The following KCNIP4 variants were observed in gnomAD, a reference collection of about 807,000 sequenced individuals.
The protein encoded by KCNIP4 is Kv channel-interacting protein 4.
In KCNIP4, 12 loss-of-function variants were observed where a neutral mutation model predicts 34.0. The observed-to-expected ratio is 0.35, with a 90% CI of 0.23 to 0.57. KCNIP4 has a LOEUF of 0.57. KCNIP4 is among the 20% of genes least tolerant of loss of function. KCNIP4 has a pLI of 0.83. For synonymous variants in KCNIP4, 124 were observed against 102.2 expected (o/e 1.21, Z -1.29); for missense variants, 238 against 311.7 (o/e 0.76, Z 1.78).
Position 21,431,673 on chromosome 4 carries a change from G to T in KCNIP4, c.61+516898C>A, listed in dbSNP as rs201091518. On this transcript the variant is annotated intron_variant, in intron 1 of 8. Transcript: ENST00000382152. ...TAGCACTAAAATGATGCAGAATGGG[G>T]ATACCTAAGAAAATATAGGAGGATA... is the stretch of plus-strand genomic sequence containing the variant. 4.6e-5 allele frequency among the ~76,000 whole-genome samples: 7 copies of T among 152,042 alleles called. No homozygotes were observed. The East Asian group carries it at 1.4e-3, about 29-fold the overall frequency.
intron 1 of KCNIP4, among the ~76,000 whole-genome samples, chr4:21,783,560 G>T (rs2109217508): frequency 6.6e-6 from 1 of 152,080 alleles, no homozygotes; most frequent in African/African-American, 2.4e-5. Context: ...TTAGTAATAA[G>T]TACATTTAAT....
At chr4:21,832,730 TCCCTCCC>T (rs1441526735) in intron 1 of KCNIP4, among the ~76,000 whole-genome samples, 3 of 107,838 alleles carry the variant, frequency 2.8e-5, no homozygotes, top group African/African-American at 1.1e-4. Flanking sequence ...CCCAATGCTA[TCCCTCCC>T]CCCTCCCCCC....
chr4:21,413,620 A>G (rs1021071918), intron 1 of KCNIP4, among the ~76,000 whole-genome samples: 3 of 152,138 alleles, frequency 2.0e-5, no homozygotes, highest in African/African-American at 7.2e-5. Flanking sequence ...TTTTTCCAGC[A>G]CACTATGAGT....
At chr4:21,440,514 C>T (rs1472496530) in intron 1 of KCNIP4, among the ~76,000 whole-genome samples, 5 of 152,134 alleles carry the variant, frequency 3.3e-5, no homozygotes, top group Admixed American at 6.5e-5. Flanking sequence ...GCAGTGATTG[C>T]TTTGTTATTT....
intron 1 of KCNIP4, among the ~76,000 whole-genome samples, chr4:21,823,603 A>C (rs965038500): frequency 3.3e-5 from 5 of 151,988 alleles, no homozygotes; most frequent in Non-Finnish European, 7.4e-5. Context: ...TCCCCACCCC[A>C]AATACACTAA....
chr4:20,985,971 G>A (rs974520584), intron 1 of KCNIP4, among the ~76,000 whole-genome samples: 1 of 152,102 alleles, frequency 6.6e-6, no homozygotes, highest in Non-Finnish European at 1.5e-5. Flanking sequence ...CTGAATCTTG[G>A]TTTAAAATGG....
intron 3 of KCNIP4, among the ~76,000 whole-genome samples, chr4:20,841,549 A>G (rs1485921344): frequency 6.6e-6 from 1 of 152,036 alleles, no homozygotes; most frequent in African/African-American, 2.4e-5. Context: ...TTAATCCAAA[A>G]CATCACGACG....
intron 1 of KCNIP4, among the ~76,000 whole-genome samples, chr4:21,415,444 C>T (rs1191894889): frequency 6.6e-6 from 1 of 151,506 alleles, no homozygotes; most frequent in Non-Finnish European, 1.5e-5. Flanking sequence ...AGGTAAGGGA[C>T]ACATTAGGAG....
intron 1 of KCNIP4, chr4:21,853,278 G>A (rs1321672842): frequency 6.6e-6 from 1 of 152,086 alleles, no homozygotes; most frequent in Non-Finnish European, 1.5e-5. Context: ...TTAAAATATA[G>A]GGCTCTAATA....
At chr4:21,888,927 C>T (rs973404167) in intron 1 of KCNIP4, among the ~76,000 whole-genome samples, 2 of 152,108 alleles carry the variant, frequency 1.3e-5, no homozygotes, top group Non-Finnish European at 2.9e-5. Flanking sequence ...TTAAGCATAT[C>T]GAATCTGAAA....
intron 1 of KCNIP4, among the ~76,000 whole-genome samples, chr4:21,121,896 A>C (rs1378563209): frequency 2.0e-5 from 3 of 152,166 alleles, no homozygotes; most frequent in African/African-American, 7.2e-5. Context: ...CAGAATTTTG[A>C]ATGTTAAATT....
At chr4:21,062,455 C>T (rs1250289847) in intron 1 of KCNIP4, among the ~76,000 whole-genome samples, 1 of 152,008 alleles carries the variant, frequency 6.6e-6, no homozygotes, top group East Asian at 1.9e-4. Context: ...GGAGGCCAAC[C>T]TAACCCATAT....
At chr4:21,520,015 G>T (rs558243239) in intron 1 of KCNIP4, among the ~76,000 whole-genome samples, 1 of 151,854 alleles carries the variant, frequency 6.6e-6, no homozygotes, top group African/African-American at 2.4e-5. Flanking sequence ...CTTGGAGTGC[G>T]ATGTTTGAGG....
At chr4:20,752,284 C>G (rs578175773) in intron 4 of KCNIP4, among the ~76,000 whole-genome samples, 1 of 152,180 alleles carries the variant, frequency 6.6e-6, no homozygotes, top group South Asian at 2.1e-4. Flanking sequence ...GTCTCGAACT[C>G]CTGACAGCAG....
rs955613118 is a variant in KCNIP4 at position 21,334,329 on chromosome 4, A to T, written c.62-451620T>A. 2.1e-3 allele frequency among the ~76,000 whole-genome samples: 326 copies of T among 152,168 alleles called. 1 individual carries two copies. Among genetic ancestry groups the T allele is most frequent in the Non-Finnish European group, 3.4e-3 (234 of 67,966 alleles). Reference sequence around the variant, plus strand: ...ACTATGTACTAAGATCTCCAAAAAAATAATGTTAACTTTGGCTTCAGAATG... The same window carrying T: ...ACTATGTACTAAGATCTCCAAAAAATTAATGTTAACTTTGGCTTCAGAATG... On this transcript the variant is annotated intron_variant, in intron 1 of 8. Coordinates refer to ENST00000382152, the MANE Select transcript of KCNIP4 (RefSeq NM_025221.6).
At position 21,714,785 on chromosome 4, in the gene KCNIP4, G is replaced by GATTATTTT. The variant is rs1714033680; in HGVS notation, c.61+233778_61+233785dup. On this transcript the variant is annotated intron_variant, in intron 1 of 8. Transcript: ENST00000382152. ...AAGAATGTGTTAGTAATTTCCCTTT[G>GATTATTTT]ATTATTTTATTTTATTTTATTTTAT... Among the ~76,000 whole-genome samples the GATTATTTT allele has an allele frequency of 2.1e-4, 9 of 43,386 alleles. 3 individuals are homozygous for GATTATTTT. Among genetic ancestry groups the GATTATTTT allele is most frequent in the Non-Finnish European group, 3.2e-4 (9 of 28,000 alleles). The allele number at this position is 43,386 out of a possible 152,430, so 28.5% of individuals were successfully genotyped here.
At chr4:21,316,297 C>T (rs1713753583) in intron 1 of KCNIP4, 1 of 151,926 alleles carries the variant, frequency 6.6e-6, no homozygotes, top group Admixed American at 6.6e-5. Flanking sequence ...ATCCATGTGC[C>T]TGAAATATAT....
chr4:21,531,574 G>C (rs1034875139), intron 1 of KCNIP4, among the ~76,000 whole-genome samples: 5 of 151,704 alleles, frequency 3.3e-5, no homozygotes, highest in African/African-American at 1.2e-4. Flanking sequence ...ATGGGGTTTT[G>C]CCATGTTGGC....
intron 1 of KCNIP4, among the ~76,000 whole-genome samples, chr4:21,531,367 C>CCCTT (rs1736672488): frequency 7.8e-6 from 1 of 128,714 alleles, no homozygotes; most frequent in Non-Finnish European, 1.7e-5. Flanking sequence ...CTCCCTCCCT[C>CCCTT]CCTTCCTTCC....
Sources: allele counts gnomAD v4.1 joint callset (sites outside exome capture counted in the v4.1 genomes callset), GRCh38; gene constraint gnomAD v4.1.1; transcripts MANE v1.5; gene names NCBI Gene and HGNC (gene_info 2026-07-23, HGNC 2026-07-21).